Variants in FCGR2A observed in about 807,000 individuals in gnomAD.
The protein encoded by FCGR2A is low affinity immunoglobulin gamma Fc region receptor II-a.
Under a neutral mutation model 29.3 loss-of-function variants are expected in FCGR2A, and 18 were observed. The observed-to-expected ratio is 0.62, with a 90% CI of 0.43 to 0.91. The LOEUF (loss-of-function observed/expected upper bound fraction) is 0.91. Ranked by LOEUF, FCGR2A falls within the 40% of genes least tolerant of loss-of-function variation. The pLI is 0.00. For missense variants in FCGR2A, 287 were observed against 393.0 expected (o/e 0.73, Z 2.28); for synonymous variants, 126 against 144.8 (o/e 0.87, Z 0.93).
At position 161,506,015 on chromosome 1, in the gene FCGR2A, T is replaced by A. The variant is rs1315095647; in HGVS notation, c.106+8T>A. On this transcript the variant is annotated splice_region_variant and intron_variant, in intron 2 of 6. Transcript: ENST00000271450. ...CTGCAGACAGTCAAGCTGGTGAGTA[T>A]GCCCTTTGCTTCCTTGTATTGACAG... 4 of 1,613,608 alleles carry A rather than the reference T, an allele frequency of 2.5e-6. No homozygotes were observed. Among genetic ancestry groups the A allele is most frequent in the Non-Finnish European group, 3.4e-6 (4 of 1,179,460 alleles).
intron 5 of FCGR2A, among the ~76,000 whole-genome samples, chr1:161,511,740 G>A (rs113590334): frequency 0.074 from 11,242 of 152,174 alleles, 535 homozygotes; most frequent in African/African-American, 0.12. Context: ...GCCTAATCCT[G>A]CTAACCTCCT....
At chr1:161,509,024 C>A (rs964518580) in intron 3 of FCGR2A, among the ~76,000 whole-genome samples, 1 of 152,080 alleles carries the variant, frequency 6.6e-6, no homozygotes, top group Non-Finnish European at 1.5e-5. Context: ...CAAATAGCAA[C>A]CCCCAGGGTG....
At chr1:161,509,515 G>A (rs1446244901) in intron 3 of FCGR2A, among the ~76,000 whole-genome samples, 15 of 152,142 alleles carry the variant, frequency 9.9e-5, no homozygotes, top group Admixed American at 9.2e-4. Flanking sequence ...AGGCCCTGTC[G>A]AGTAGCCTCT....
chr1:161,523,041 T>C (rs1178512605), downstream of FCGR2A: 2 of 152,174 alleles, frequency 1.3e-5, no homozygotes, highest in Admixed American at 1.3e-4. Context: ...ATCAGGCAAG[T>C]AACGTTAAAT....
downstream of FCGR2A, chr1:161,523,040 G>GC (rs1676515045): frequency 1.3e-5 from 2 of 152,154 alleles, no homozygotes; most frequent in Admixed American, 1.3e-4. Flanking sequence ...AATCAGGCAA[G>GC]TAACGTTAAA....
chr1:161,515,166 T>C (rs1260735042), intron 6 of FCGR2A, among the ~76,000 whole-genome samples: 2 of 152,386 alleles, frequency 1.3e-5, no homozygotes, highest in Admixed American at 6.5e-5. Flanking sequence ...TAATTTTGAT[T>C]GGTATGTAAA....
chr1:161,516,423 C>T (rs2102485994), intron 6 of FCGR2A, among the ~76,000 whole-genome samples: 1 of 152,090 alleles, frequency 6.6e-6, no homozygotes, highest in South Asian at 2.1e-4. Flanking sequence ...CTTGGCTTGG[C>T]TTCTTAGCCT....
At chr1:161,514,814 T>C (rs1676044947) in intron 6 of FCGR2A, 1 of 151,412 alleles carries the variant, frequency 6.6e-6, no homozygotes, top group Non-Finnish European at 1.5e-5. Context: ...AATTGGGTAC[T>C]TGACAGATTG....
At chr1:161,520,098 T>G (rs1246761260), downstream of FCGR2A, 3 of 152,162 alleles carry the variant, frequency 2.0e-5, no homozygotes, top group East Asian at 5.8e-4. Flanking sequence ...TTTACATCGA[T>G]TTTTAAGGAG....
At chr1:161,508,574 C>T (rs192919553) in intron 3 of FCGR2A, among the ~76,000 whole-genome samples, 22 of 139,448 alleles carry the variant, frequency 1.6e-4, no homozygotes, top group Non-Finnish European at 2.3e-4. Context: ...GCAATAAGAG[C>T]GAAACTCCAT....
In FCGR2A at chr1:161,506,371, G is replaced by A. The variant is rs553243113; in HGVS notation, c.144G>A (p.Pro48=). 347 of 1,614,164 alleles carry A rather than the reference G, an allele frequency of 2.1e-4. No individual in the cohort carries two copies. Among genetic ancestry groups the A allele is most frequent in the South Asian group, 6.9e-4 (63 of 91,084 alleles). Residue 48 remains proline, a synonymous_variant, in exon 3 of 7, where the codon CCG becomes CCA. Coordinates refer to ENST00000271450, the MANE Select transcript of FCGR2A (RefSeq NM_001136219.3). ...PPKAVLKLEP[P]WINVLQEDSV... ...AGGCTGTGCTGAAACTTGAGCCCCC[G>A]TGGATCAACGTGCTCCAGGAGGACT...
At chr1:161,523,921 T>G (rs572593746), downstream of FCGR2A, 2 of 152,214 alleles carry the variant, frequency 1.3e-5, no homozygotes, top group Non-Finnish European at 2.9e-5. Flanking sequence ...CCAATGCTAC[T>G]GTCAGCTAAA....
At chr1:161,511,267 G>A (rs530364702) in intron 5 of FCGR2A, among the ~76,000 whole-genome samples, 12 of 152,278 alleles carry the variant, frequency 7.9e-5, no homozygotes, top group African/African-American at 2.9e-4. Context: ...GCTAGGGAAG[G>A]AGGACTCTCC....
Position 161,505,467 on chromosome 1 carries a change from G to C in FCGR2A, c.-1G>C. ...CCACTGGACGTTGGCACAGTGCTGG[G>C]ATGACTATGGAGACCCAAATGTCTC... is the stretch of plus-strand genomic sequence containing the variant. On this transcript the variant is annotated 5_prime_UTR_variant, in exon 1 of 7. Transcript: ENST00000271450. 1 of 1,612,248 alleles carries C rather than the reference G, an allele frequency of 6.2e-7. No individual in the cohort carries two copies. Among genetic ancestry groups the C allele is most frequent in the African/African-American group, 1.3e-5 (1 of 75,014 alleles).
At chr1:161,522,820 A>T (rs1297319955), downstream of FCGR2A, 3 of 151,952 alleles carry the variant, frequency 2.0e-5, no homozygotes, top group South Asian at 2.1e-4. Context: ...CAAGCAGCAA[A>T]CTCTACCAGC....
chr1:161,510,095 T>C (rs1314577728), intron 4 of FCGR2A, 21 bp downstream of exon 4: 27 of 1,612,156 alleles, frequency 1.7e-5, no homozygotes, highest in Non-Finnish European at 2.3e-5. Context: ...TCTGCCAAGA[T>C]GTAGGGAGGG....
intron 3 of FCGR2A, among the ~76,000 whole-genome samples, chr1:161,509,230 A>G (rs60822881): frequency 0.023 from 3,548 of 152,318 alleles, 135 homozygotes; most frequent in African/African-American, 0.082. Context: ...TCCAGCCCCC[A>G]GAACAGGGAG....
rs368752463 is a variant in FCGR2A, at chr1:161,510,031, C to G, written c.576C>G (p.Gly192=). The G allele has an allele frequency of 4.3e-6, 7 of 1,613,862 alleles. No homozygotes were observed. In the African/African-American group the frequency reaches 8.0e-5, roughly 18 times the overall value. Residue 192 remains glycine (G), a synonymous_variant, in exon 4 of 7, where the codon GGC becomes GGG. Transcript: ENST00000271450. The part of the protein sequence containing the change: ...SGDYHCTGNI[G]YTLFSSKPVT... ...ATTACCACTGCACAGGAAACATAGG[C>G]TACACGCTGTTCTCATCCAAGCCTG...
chr1:161,516,323 C>G (rs1284874466), intron 6 of FCGR2A, among the ~76,000 whole-genome samples: 6 of 151,932 alleles, frequency 3.9e-5, no homozygotes, highest in Non-Finnish European at 8.8e-5. Context: ...TTTGGAAACT[C>G]TTATTAAGTA....
Sources: gnomAD v4.1 joint callset for allele counts (sites outside exome capture counted in the v4.1 genomes callset) on GRCh38, gnomAD v4.1.1 for gene constraint, MANE v1.5 for transcripts, NCBI Gene and HGNC (gene_info 2026-07-23, HGNC 2026-07-21) for gene names.